Variants in ARB2A observed in about 807,000 individuals in gnomAD.
The protein encoded by ARB2A is cotranscriptional regulator ARB2A.
the ARB2A span, among the ~76,000 whole-genome samples, chr5:93,677,130 C>G: frequency 6.6e-6 from 1 of 152,138 alleles, no homozygotes; most frequent in Non-Finnish European, 1.5e-5. Flanking sequence ...ACTTCCCCAT[C>G]TTTTATGCAG....
the ARB2A span, among the ~76,000 whole-genome samples, chr5:93,893,442 TC>T: frequency 6.6e-6 from 1 of 152,106 alleles, no homozygotes; most frequent in Non-Finnish European, 1.5e-5. Flanking sequence ...CTGCAAACAG[TC>T]TTTTGACAGA....
chr5:94,074,674 A>G, the ARB2A span: 1 of 1,612,640 alleles, frequency 6.2e-7, no homozygotes, highest in African/African-American at 1.3e-5. Context: ...TTTCTTTTTC[A>G]TCTGGACCTC....
the ARB2A span, among the ~76,000 whole-genome samples, chr5:94,012,081 T>C: frequency 6.6e-6 from 1 of 152,046 alleles, no homozygotes; most frequent in African/African-American, 2.4e-5. Flanking sequence ...ATGTTAAATA[T>C]TGCTAAGTGG....
At chr5:94,009,583 G>A in the ARB2A span, among the ~76,000 whole-genome samples, 1 of 151,844 alleles carries the variant, frequency 6.6e-6, no homozygotes, top group African/African-American at 2.4e-5. Flanking sequence ...TTAAAGGAAG[G>A]GCTAAAATTT....
the ARB2A span, among the ~76,000 whole-genome samples, chr5:94,066,043 A>C: frequency 6.6e-6 from 1 of 152,172 alleles, no homozygotes; most frequent in Non-Finnish European, 1.5e-5. Flanking sequence ...CAATAAAAAG[A>C]AGAACTTCAG....
chr5:93,859,723 T>A, the ARB2A span, among the ~76,000 whole-genome samples: 1 of 152,108 alleles, frequency 6.6e-6, no homozygotes, highest in Admixed American at 6.5e-5. Flanking sequence ...ACAACCTAAC[T>A]AGTAATAAGG....
At chr5:93,696,472 C>T in the ARB2A span, among the ~76,000 whole-genome samples, 1 of 152,136 alleles carries the variant, frequency 6.6e-6, no homozygotes, top group Non-Finnish European at 1.5e-5. Context: ...CTTATTGGAT[C>T]TGATGATTAG....
chr5:93,876,045 C>T, the ARB2A span, among the ~76,000 whole-genome samples: 1 of 152,244 alleles, frequency 6.6e-6, no homozygotes, highest in Non-Finnish European at 1.5e-5. Flanking sequence ...TGCCAAGAAG[C>T]TTGTTAAAAT....
At chr5:93,973,755 A>C in the ARB2A span, among the ~76,000 whole-genome samples, 1 of 152,186 alleles carries the variant, frequency 6.6e-6, no homozygotes, top group Non-Finnish European at 1.5e-5. Flanking sequence ...CTGGGGACCC[A>C]TTTTTAGCAT....
the ARB2A span, among the ~76,000 whole-genome samples, chr5:93,698,379 C>T: frequency 1.6e-4 from 25 of 151,984 alleles, 1 homozygote; most frequent in South Asian, 5.2e-3. Flanking sequence ...GAAGTTGAGG[C>T]CAACAAATCA....
the ARB2A span, chr5:93,805,009 GA>G: frequency 1.0e-6 from 1 of 977,582 alleles, no homozygotes; most frequent in Non-Finnish European, 1.2e-6. Context: ...TAGTCAAACA[GA>G]AAAAAATACA....
At chr5:93,652,484 T>A in the ARB2A span, among the ~76,000 whole-genome samples, 1 of 152,240 alleles carries the variant, frequency 6.6e-6, no homozygotes, top group Non-Finnish European at 1.5e-5. Context: ...TTGTGAAAAA[T>A]TATATTAGAG....
chr5:93,741,044 C>G, the ARB2A span: 1 of 1,613,874 alleles, frequency 6.2e-7, no homozygotes, highest in Non-Finnish European at 8.5e-7. Flanking sequence ...ATGTTGGCGA[C>G]GCTTAGCTGC....
the ARB2A span, chr5:94,074,859 T>C: frequency 2.0e-5 from 15 of 768,650 alleles, no homozygotes; most frequent in African/African-American, 2.5e-4. Context: ...AGGATTAATC[T>C]CTCTATGCTA....
At chr5:93,726,010 C>G in the ARB2A span, among the ~76,000 whole-genome samples, 1 of 152,040 alleles carries the variant, frequency 6.6e-6, no homozygotes, top group African/African-American at 2.4e-5. Context: ...TTGGTTGATA[C>G]AGCAAAAATG....
chr5:93,903,023 T>C, the ARB2A span, among the ~76,000 whole-genome samples: 525 of 152,188 alleles, frequency 3.4e-3, 2 homozygotes, highest in Non-Finnish European at 5.5e-3. Flanking sequence ...TGAATTCTCT[T>C]TTTAGTACAT....
chr5:93,666,035 G>A, the ARB2A span, among the ~76,000 whole-genome samples: 1 of 152,146 alleles, frequency 6.6e-6, no homozygotes, highest in Non-Finnish European at 1.5e-5. Flanking sequence ...CTGAATGCGT[G>A]ATAAAAATGG....
At chr5:93,999,488 C>A in the ARB2A span, among the ~76,000 whole-genome samples, 4 of 151,952 alleles carry the variant, frequency 2.6e-5, no homozygotes, top group Non-Finnish European at 4.4e-5. Flanking sequence ...CCTTGTGCTG[C>A]CCAGAAAATG....
the ARB2A span, among the ~76,000 whole-genome samples, chr5:94,064,507 A>G: frequency 1.3e-5 from 2 of 152,220 alleles, no homozygotes; most frequent in Admixed American, 1.3e-4. Context: ...ATCCCCAATC[A>G]AATACAATGT....
Sources: allele counts gnomAD v4.1 joint callset (sites outside exome capture counted in the v4.1 genomes callset), GRCh38; gene constraint gnomAD v4.1.1; transcripts MANE v1.5; gene names NCBI Gene and HGNC (gene_info 2026-07-23, HGNC 2026-07-21).